PDLIM5: variants seen among roughly 807,000 people sequenced by gnomAD.
The protein encoded by PDLIM5 is PDZ and LIM domain protein 5.
A neutral mutation model predicts 64.2 loss-of-function variants in PDLIM5; 34 were observed. The ratio of observed to expected loss-of-function variants is 0.53; its 90% CI spans 0.40 to 0.71. The LOEUF (loss-of-function observed/expected upper bound fraction) is 0.71. Ranked by LOEUF, PDLIM5 falls within the 30% of genes least tolerant of loss-of-function variation. The probability of loss-of-function intolerance (pLI) is 0.00; values close to 1 mark genes in which losing one functional copy is unlikely to be tolerated. For synonymous variants in PDLIM5, 253 were observed against 269.1 expected (o/e 0.94, Z 0.59); for missense variants, 683 against 733.6 (o/e 0.93, Z 0.80).
At chr4:94,500,141 A>G (rs1488296279) in intron 2 of PDLIM5, among the ~76,000 whole-genome samples, 1 of 152,208 alleles carries the variant, frequency 6.6e-6, no homozygotes, top group Non-Finnish European at 1.5e-5. Context: ...ATTTCCTTTC[A>G]TTAGACAGAC....
rs1035650864 is a variant in PDLIM5, at chr4:94,624,815, A to G, written c.1108+6624A>G. On this transcript the variant is annotated intron_variant, in intron 8 of 12. Transcript: ENST00000317968. ...CCCAGAGAGAAGGTTGGCTGCATTA[A>G]TGGGGGTTTTGAATGTAAGAGTGTG... 7.2e-5 allele frequency among the ~76,000 whole-genome samples: 11 copies of G among 152,314 alleles called. No individual in the cohort carries two copies. The South Asian group carries it at 1.2e-3, about 17-fold the overall frequency.
At chr4:94,598,099 T>A (rs1737207143) in intron 7 of PDLIM5, among the ~76,000 whole-genome samples, 1 of 152,178 alleles carries the variant, frequency 6.6e-6, no homozygotes, top group Non-Finnish European at 1.5e-5. Context: ...AAGAATATTG[T>A]TTAAAGGATT....
At chr4:94,655,178 ATG>A (rs1742115501) in intron 10 of PDLIM5, among the ~76,000 whole-genome samples, 2 of 152,194 alleles carry the variant, frequency 1.3e-5, no homozygotes, top group African/African-American at 4.8e-5. Flanking sequence ...GAGAGTGCAC[ATG>A]TGATGGAAAA....
At chr4:94,455,441 C>A in intron 2 of PDLIM5, 57 bp downstream of exon 2, 2 of 1,094,610 alleles carry the variant, frequency 1.8e-6, no homozygotes, top group Non-Finnish European at 2.8e-6. Flanking sequence ...AGTCCTCGGG[C>A]TGAGTTGTTT....
intron 9 of PDLIM5, among the ~76,000 whole-genome samples, chr4:94,642,994 C>T (rs755858279): frequency 5.9e-5 from 9 of 151,952 alleles, no homozygotes; most frequent in African/African-American, 1.2e-4. Flanking sequence ...TTCAATATTT[C>T]GAATTTGCCA....
chr4:94,468,637 G>A (rs1724582823), intron 2 of PDLIM5, among the ~76,000 whole-genome samples: 1 of 152,162 alleles, frequency 6.6e-6, no homozygotes, highest in Non-Finnish European at 1.5e-5. Flanking sequence ...TATGTCTGTG[G>A]TGTGTGTTTG....
chr4:94,492,744 G>A (rs972237107), intron 2 of PDLIM5, among the ~76,000 whole-genome samples: 6 of 152,062 alleles, frequency 3.9e-5, no homozygotes, highest in African/African-American at 1.4e-4. Flanking sequence ...ATATTCCATT[G>A]TGTTATCATA....
intron 7 of PDLIM5, among the ~76,000 whole-genome samples, chr4:94,617,737 C>T (rs1413594596): frequency 4.0e-5 from 6 of 150,434 alleles, no homozygotes; most frequent in African/African-American, 1.5e-4. Flanking sequence ...AAATGATTAA[C>T]TGTGTAAATT....
Position 94,604,462 on chromosome 4 carries a change from C to G in PDLIM5, c.921-13542C>G, listed in dbSNP as rs139905731. ...CAGCCTGACCAACATGGAGAAACCC[C>G]GTCTCTACTAAAAACACAAAAATTA... On this transcript the variant is annotated intron_variant, in intron 7 of 12. Transcript: ENST00000317968. Among the ~76,000 whole-genome samples the G allele has an allele frequency of 5.3e-3, 814 of 152,154 alleles. 8 individuals are homozygous for G. The highest frequency in any genetic ancestry group is 0.019 in the African/African-American group (777 of 41,516).
chr4:94,518,332 T>A (rs892848437), intron 2 of PDLIM5, among the ~76,000 whole-genome samples: 1 of 152,228 alleles, frequency 6.6e-6, no homozygotes, highest in Non-Finnish European at 1.5e-5. Context: ...CAACTCCTTA[T>A]AAATCCTAAA....
intron 2 of PDLIM5, chr4:94,456,887 ATAT>A: frequency 9.3e-7 from 1 of 1,072,260 alleles, no homozygotes; most frequent in Non-Finnish European, 1.1e-6. Context: ...CAAAATAGTG[ATAT>A]TATTCCCATT....
chr4:94,663,144 C>T (rs184412973), intron 12 of PDLIM5, among the ~76,000 whole-genome samples: 317 of 152,188 alleles, frequency 2.1e-3, no homozygotes, highest in African/African-American at 7.1e-3. Context: ...ATCCAGTAAA[C>T]GTGCTCTGTT....
At chr4:94,563,426 C>T (rs1396581020) in intron 3 of PDLIM5, among the ~76,000 whole-genome samples, 1 of 151,976 alleles carries the variant, frequency 6.6e-6, no homozygotes. Context: ...CTAAACTCAC[C>T]CAAAGTTATT....
At chr4:94,657,636 G>T in intron 11 of PDLIM5, 89 bp downstream of exon 11, 1 of 905,574 alleles carries the variant, frequency 1.1e-6, no homozygotes, top group African/African-American at 1.7e-5. Context: ...GAAAATATTA[G>T]GCAAAGTTAT....
At chr4:94,479,405 C>A (rs1380860615) in intron 2 of PDLIM5, among the ~76,000 whole-genome samples, 2 of 149,984 alleles carry the variant, frequency 1.3e-5, no homozygotes, top group African/African-American at 4.9e-5. Flanking sequence ...TGGCTCACTG[C>A]AGCCTTGACC....
intron 3 of PDLIM5, among the ~76,000 whole-genome samples, chr4:94,551,125 T>C (rs1050051108): frequency 3.3e-5 from 5 of 152,148 alleles, no homozygotes; most frequent in African/African-American, 1.2e-4. Flanking sequence ...CATGAAACTA[T>C]TATCATTGTA....
intron 3 of PDLIM5, among the ~76,000 whole-genome samples, chr4:94,572,620 TAGTC>T (rs1734899421): frequency 6.6e-6 from 1 of 152,188 alleles, no homozygotes; most frequent in African/African-American, 2.4e-5. Flanking sequence ...AATTTGGAAA[TAGTC>T]AAGTTATATA....
intron 2 of PDLIM5, chr4:94,456,307 T>G (rs1723352539): frequency 5.6e-6 from 3 of 533,218 alleles, no homozygotes; most frequent in African/African-American, 3.9e-5. Context: ...CAAGCGATTC[T>G]CCTGCCTCAG....
At chr4:94,655,756 C>T (rs2110492002) in intron 10 of PDLIM5, among the ~76,000 whole-genome samples, 1 of 152,194 alleles carries the variant, frequency 6.6e-6, no homozygotes, top group South Asian at 2.1e-4. Context: ...GTCTTAGACC[C>T]AAATAAAGTT....
Sources: allele counts gnomAD v4.1 joint callset (sites outside exome capture counted in the v4.1 genomes callset), GRCh38; gene constraint gnomAD v4.1.1; transcripts MANE v1.5; gene names NCBI Gene and HGNC (gene_info 2026-07-23, HGNC 2026-07-21).